Variants in DZIP3 observed in about 807,000 individuals in gnomAD.
DZIP3 encodes DAZ interacting zinc finger protein 3.
A neutral mutation model predicts 162.0 loss-of-function variants in DZIP3; 118 were observed. The observed-to-expected ratio is 0.73, with a 90% CI of 0.63 to 0.85. The LOEUF (loss-of-function observed/expected upper bound fraction) is 0.85. Ranked by LOEUF, DZIP3 falls within the 40% of genes least tolerant of loss-of-function variation. DZIP3 has a pLI of 0.00. For synonymous variants in DZIP3, 438 were observed against 458.6 expected, an observed-to-expected ratio of 0.96 and a Z score of 0.57; for missense variants, 1,331 against 1,407.0, an observed-to-expected ratio of 0.95 and a Z score of 0.86.
At chr3:108,661,799 G>A in intron 19 of DZIP3, 78 bp from the exon 20 acceptor site, 1 of 1,145,330 alleles carries the variant, frequency 8.7e-7, no homozygotes, top group East Asian at 2.4e-5. Context: ...GAGTTAGATG[G>A]CAACTTTAAA....
chr3:108,591,441 G>T (rs1168363086), intron 1 of DZIP3, among the ~76,000 whole-genome samples: 1 of 152,208 alleles, frequency 6.6e-6, no homozygotes, highest in Non-Finnish European at 1.5e-5. Context: ...CCATTCAGAG[G>T]CCCAGGGTAA....
intron 4 of DZIP3, among the ~76,000 whole-genome samples, chr3:108,614,625 C>A (rs1056940368): frequency 6.6e-6 from 1 of 152,054 alleles, no homozygotes; most frequent in Non-Finnish European, 1.5e-5. Flanking sequence ...TGCCTCAGGG[C>A]CTTTTTTTCT....
Position 108,625,897 on chromosome 3 carries a change from A to G in DZIP3, c.509A>G (p.Glu170Gly). Reference sequence around the variant, plus strand: ...CTGGTGATGAAGATGATGATCCAAGAAAATGAAATTTGTGAAAACTTTATG... The same window carrying G: ...CTGGTGATGAAGATGATGATCCAAGGAAATGAAATTTGTGAAAACTTTATG... ...KFLVMKMMIQ[E>G]NEICENFMSL... The change falls in exon 7 of 33, where the codon GAA becomes GGA. Residue 170 changes from glutamate (E) to glycine (G), a missense_variant. By Grantham distance (98) the Glu-to-Gly change is moderately conservative. This residue lies in a region of DZIP3 where 1,278 missense variants were observed against 1,317.1 expected (regional missense o/e 0.97). Transcript: ENST00000361582. 2 of 1,613,642 alleles carry G rather than the reference A, an allele frequency of 1.2e-6. No individual in the cohort carries two copies. Among genetic ancestry groups the G allele is most frequent in the African/African-American group, 2.7e-5 (2 of 75,010 alleles).
intron 1 of DZIP3, among the ~76,000 whole-genome samples, chr3:108,597,692 A>C (rs1939779277): frequency 6.6e-6 from 1 of 152,190 alleles, no homozygotes; most frequent in Non-Finnish European, 1.5e-5. Context: ...TAGTGTCCAG[A>C]GTACAGTATG....
intron 32 of DZIP3, among the ~76,000 whole-genome samples, chr3:108,692,410 C>A (rs528056941): frequency 6.6e-6 from 1 of 152,128 alleles, no homozygotes; most frequent in Admixed American, 6.6e-5. Context: ...CTAACATAAG[C>A]CCACGGAAAT....
chr3:108,617,652 T>C (rs557575594), intron 5 of DZIP3, among the ~76,000 whole-genome samples: 1 of 152,174 alleles, frequency 6.6e-6, no homozygotes, highest in Non-Finnish European at 1.5e-5. Flanking sequence ...AAATAATACT[T>C]ATTTAGGATT....
At chr3:108,593,514 G>T (rs140538790) in intron 1 of DZIP3, among the ~76,000 whole-genome samples, 17 of 152,098 alleles carry the variant, frequency 1.1e-4, no homozygotes, top group African/African-American at 3.6e-4. Flanking sequence ...CATTGAAAAA[G>T]AAATTGGAAG....
intron 21 of DZIP3, among the ~76,000 whole-genome samples, chr3:108,668,093 G>A (rs1943755955): frequency 6.6e-6 from 1 of 152,060 alleles, no homozygotes; most frequent in South Asian, 2.1e-4. Context: ...AGCAAAAATG[G>A]TGTGGTTTTT....
intron 2 of DZIP3, 150 bp from the exon 3 acceptor site, chr3:108,607,939 A>AATTT (rs1330140732): frequency 1.5e-6 from 1 of 673,306 alleles, no homozygotes; most frequent in African/African-American, 1.8e-5. Flanking sequence ...TGAGTCTCTA[A>AATTT]AGAGATATGG....
intron 19 of DZIP3, among the ~76,000 whole-genome samples, chr3:108,659,501 G>A (rs1188601136): frequency 2.0e-5 from 3 of 152,096 alleles, no homozygotes; most frequent in Non-Finnish European, 4.4e-5. Context: ...AATAGTAAGA[G>A]CTATCTATGA....
chr3:108,592,413 GC>G (rs1356705942), intron 1 of DZIP3, among the ~76,000 whole-genome samples: 1 of 152,108 alleles, frequency 6.6e-6, no homozygotes, highest in African/African-American at 2.4e-5. Context: ...TTAAGGGTGT[GC>G]CAGGCGTAGT....
Position 108,686,487 on chromosome 3 carries a change from G to A in DZIP3, c.3052G>A (p.Ala1018Thr), listed in dbSNP as rs368665758. 47 of 1,611,200 alleles carry A rather than the reference G, an allele frequency of 2.9e-5. No individual in the cohort carries two copies. Among genetic ancestry groups the A allele is most frequent in the Non-Finnish European group, 3.8e-5 (45 of 1,179,140 alleles). The change falls in exon 28 of 33, where the codon GCT (alanine) becomes ACT (threonine). Residue 1018 changes from alanine to threonine, a missense_variant. Transcript: ENST00000361582. ...GGCTCTGCCAGCGCCTGTGGGAGAC[G>A]CTGTGCCTCCCAGTGCAGGTCTGCG... is the stretch of plus-strand genomic sequence containing the variant. The part of the protein sequence containing the change: ...AWALPAPVGD[A>T]VPPSAGLRSD...
chr3:108,687,998 C>A lies in DZIP3; in HGVS notation c.3172C>A (p.Arg1058=). 2 of 1,613,504 alleles carry A rather than the reference C, an allele frequency of 1.2e-6. No individual in the cohort carries two copies. The highest frequency in any genetic ancestry group is 1.7e-6 in the Non-Finnish European group (2 of 1,179,752). ...CAGAAAGGAACTTACAGATTTCTTA[C>A]GGAAATTGAAGGATGCTTATGGAAA... ...QTRKELTDFL[R]KLKDAYGKSL... Residue 1058 remains arginine (R), a synonymous_variant, in exon 29 of 33, where the codon CGG becomes AGG. Transcript: ENST00000361582.
chr3:108,681,390 A>G (rs1944303065), intron 26 of DZIP3, among the ~76,000 whole-genome samples: 1 of 152,190 alleles, frequency 6.6e-6, no homozygotes, highest in South Asian at 2.1e-4. Context: ...ATACCATCTC[A>G]CGCCAGTTAG....
intron 9 of DZIP3, among the ~76,000 whole-genome samples, 171 bp from the exon 10 acceptor site, chr3:108,634,699 TA>T (rs1576392412): frequency 6.6e-6 from 1 of 152,182 alleles, no homozygotes; most frequent in East Asian, 1.9e-4. Flanking sequence ...TTTAGTGATG[TA>T]AAAATGACTT....
intron 31 of DZIP3, 139 bp downstream of exon 31, chr3:108,689,063 A>G: frequency 1.3e-6 from 1 of 794,730 alleles, no homozygotes; most frequent in Non-Finnish European, 2.1e-6. Flanking sequence ...TACCACACAG[A>G]AACATTTATG....
intron 13 of DZIP3, among the ~76,000 whole-genome samples, 183 bp from the exon 14 acceptor site, chr3:108,643,981 T>G (rs751736417): frequency 1.3e-5 from 2 of 152,184 alleles, no homozygotes; most frequent in Non-Finnish European, 2.9e-5. Context: ...TGTTTTTGTT[T>G]AGGTTTTTTG....
intron 7 of DZIP3, among the ~76,000 whole-genome samples, chr3:108,628,511 A>C (rs1941688299): frequency 6.6e-6 from 1 of 152,146 alleles, no homozygotes; most frequent in Non-Finnish European, 1.5e-5. Flanking sequence ...AGTCTGCCTT[A>C]TGTCTAGAGG....
chr3:108,649,475 GCA>G (rs942758971), intron 17 of DZIP3, among the ~76,000 whole-genome samples: 93 of 151,786 alleles, frequency 6.1e-4, no homozygotes, highest in African/African-American at 2.0e-3. Context: ...TCAGTATCTA[GCA>G]CAGTTTTACC....
Sources: gnomAD v4.1 joint callset for allele counts (sites outside exome capture counted in the v4.1 genomes callset) on GRCh38, gnomAD v4.1.1 for gene constraint, gnomAD v4.1.1 regional missense constraint, MANE v1.5 for transcripts, NCBI Gene and HGNC (gene_info 2026-07-23, HGNC 2026-07-21) for gene names.